Variants in MB21D2 observed in about 807,000 individuals in gnomAD.
MB21D2 encodes the protein nucleotidyltransferase MB21D2.
MB21D2 carries 9 observed loss-of-function variants against 33.3 expected under a neutral mutation model. The observed-to-expected ratio is 0.27, with a 90% confidence interval of 0.16 to 0.47. The LOEUF (loss-of-function observed/expected upper bound fraction) is 0.47, where lower values mean the gene tolerates loss of function less well. MB21D2 is among the 20% of genes least tolerant of loss of function. MB21D2 has a pLI of 0.99. For missense variants in MB21D2, 540 were observed against 624.6 expected (o/e 0.86, Z 1.44); for synonymous variants, 241 against 236.3 (o/e 1.02, Z -0.18).
At chr3:192,860,932 T>C (rs184553191) in intron 1 of MB21D2, among the ~76,000 whole-genome samples, 1 of 152,326 alleles carries the variant, frequency 6.6e-6, no homozygotes, top group African/African-American at 2.4e-5. Flanking sequence ...AAGCTGATGA[T>C]TTCTGAAGTG....
At chr3:192,880,241 G>A (rs967446089) in intron 1 of MB21D2, among the ~76,000 whole-genome samples, 7 of 151,984 alleles carry the variant, frequency 4.6e-5, no homozygotes, top group African/African-American at 1.2e-4. Context: ...CAGCTACTCC[G>A]GAGGCTGAGG....
chr3:192,809,085 G>A (rs1440539044), intron 1 of MB21D2, among the ~76,000 whole-genome samples: 1 of 152,150 alleles, frequency 6.6e-6, no homozygotes, highest in African/African-American at 2.4e-5. Context: ...CTTTCAAGTG[G>A]GCAATAGTGT....
chr3:192,893,287 T>C (rs1713894430), intron 1 of MB21D2, among the ~76,000 whole-genome samples: 1 of 152,200 alleles, frequency 6.6e-6, no homozygotes, highest in Admixed American at 6.5e-5. Flanking sequence ...GTTCCAAACA[T>C]TTCCTTGAAA....
intron 1 of MB21D2, among the ~76,000 whole-genome samples, chr3:192,880,636 T>C (rs1354623682): frequency 6.6e-6 from 1 of 151,986 alleles, no homozygotes; most frequent in African/African-American, 2.4e-5. Context: ...GGACGGACTC[T>C]CAAGGAGCTG....
At chr3:192,801,379 G>T (rs182156040) in intron 1 of MB21D2, among the ~76,000 whole-genome samples, 1 of 152,232 alleles carries the variant, frequency 6.6e-6, no homozygotes, top group African/African-American at 2.4e-5. Context: ...TTCATAGTTT[G>T]CTCTTCATAG....
rs1309659014 is a variant in MB21D2, at chr3:192,822,387, AG to A, written c.212-22738del. 3.3e-5 allele frequency among the ~76,000 whole-genome samples: 5 copies of A among 152,364 alleles called. No individual in the cohort carries two copies. In the East Asian group the frequency reaches 9.6e-4, roughly 29 times the overall value. ...GTTCACCTCAGATACCAGTCTCAACAGGCATGGAGGCAGAGACTTCATTAAT... is the reference window on the plus strand; with the variant it reads ...GTTCACCTCAGATACCAGTCTCAACAGCATGGAGGCAGAGACTTCATTAAT... On this transcript the variant is annotated intron_variant, in intron 1 of 1. Transcript: ENST00000392452.
chr3:192,830,241 A>AGTGTGTGTGTGTGTGT (rs34472117), intron 1 of MB21D2, among the ~76,000 whole-genome samples: 2 of 146,366 alleles, frequency 1.4e-5, no homozygotes, highest in Non-Finnish European at 3.1e-5. Flanking sequence ...AGTGTGTGTG[A>AGTGTGTGTGTGTGTGT]GTGTGTGTGT....
rs187203755 is a variant in MB21D2 at position 192,854,997 on chromosome 3, T to G, written c.212-55347A>C. Among the ~76,000 whole-genome samples, 39 of 152,340 alleles carry G rather than the reference T, an allele frequency of 2.6e-4. No individual in the cohort carries two copies. The East Asian group carries it at 7.1e-3, about 28-fold the overall frequency. On this transcript the variant is annotated intron_variant, in intron 1 of 1. Transcript: ENST00000392452. Reference sequence around the variant, plus strand: ...GAGATGTACAATAAAACTAATGTTGTTTTCAGTCTGCTGATACAATATCTA... The same window carrying G: ...GAGATGTACAATAAAACTAATGTTGGTTTCAGTCTGCTGATACAATATCTA...
rs57320648 is a variant in MB21D2, at chr3:192,870,699, GAAA to G, written c.211+46928_211+46930del. ...GCACTCCAGCCTGGGCGACTCCGTT[GAAA>G]AAAAAAAAAAAAAAAAAGGAAGGAG... On this transcript the variant is annotated intron_variant, in intron 1 of 1. Transcript: ENST00000392452. Among the ~76,000 whole-genome samples the G allele has an allele frequency of 3.8e-4, 16 of 41,666 alleles. No homozygotes were observed. In the East Asian group the frequency reaches 3.9e-3, roughly 10 times the overall value. 27.3% of individuals were successfully genotyped at this position (41,666 alleles called of 152,430 possible). A position where few individuals can be genotyped will look rare whatever the true frequency, so the allele number is the denominator to read the frequency against.
rs1241841839 is a variant in MB21D2, at chr3:192,882,681, G to A, written c.211+34949C>T. The stretch of plus-strand genomic sequence containing the variant: ...ATGTATATAATTTCTCTGCCTGGTA[G>A]AACTAAGATCCCCAGATGTGATTGG... On this transcript the variant is annotated intron_variant, in intron 1 of 1. Coordinates refer to ENST00000392452, the MANE Select transcript of MB21D2 (RefSeq NM_178496.4). Among the ~76,000 whole-genome samples the A allele has an allele frequency of 2.0e-5, 3 of 151,506 alleles. No homozygotes were observed. In the East Asian group the frequency reaches 5.8e-4, roughly 29 times the overall value.
intron 1 of MB21D2, among the ~76,000 whole-genome samples, chr3:192,808,197 C>A (rs554271124): frequency 2.0e-5 from 3 of 152,300 alleles, no homozygotes; most frequent in Admixed American, 6.5e-5. Flanking sequence ...AAAGAAAGCA[C>A]GATTCTACCA....
At chr3:192,806,574 T>C (rs1711665181) in intron 1 of MB21D2, among the ~76,000 whole-genome samples, 1 of 152,200 alleles carries the variant, frequency 6.6e-6, no homozygotes. Context: ...ATAACCTCCT[T>C]GTGGTCAACA....
intron 1 of MB21D2, among the ~76,000 whole-genome samples, chr3:192,895,421 T>A (rs986916925): frequency 1.3e-5 from 2 of 152,170 alleles, no homozygotes; most frequent in African/African-American, 4.8e-5. Flanking sequence ...TCAGCTTTAT[T>A]TCAATCTGTT....
At chr3:192,852,204 TCAGAGACA>T (rs1224932844) in intron 1 of MB21D2, among the ~76,000 whole-genome samples, 1 of 152,144 alleles carries the variant, frequency 6.6e-6, no homozygotes, top group African/African-American at 2.4e-5. Flanking sequence ...GGATTCACAC[TCAGAGACA>T]CCACTCAGCA....
At chr3:192,838,719 C>T (rs763681346) in intron 1 of MB21D2, among the ~76,000 whole-genome samples, 10 of 152,280 alleles carry the variant, frequency 6.6e-5, no homozygotes, top group Admixed American at 1.3e-4. Flanking sequence ...TGAGCCACCA[C>T]GCCTGGCCTT....
chr3:192,847,217 T>C (rs1279553740), intron 1 of MB21D2, among the ~76,000 whole-genome samples: 2 of 152,208 alleles, frequency 1.3e-5, no homozygotes, highest in Admixed American at 6.5e-5. Flanking sequence ...ACTTTGCTGA[T>C]TAAATGTTGA....
chr3:192,852,571 C>T (rs769490163), intron 1 of MB21D2, among the ~76,000 whole-genome samples: 5 of 152,276 alleles, frequency 3.3e-5, no homozygotes, highest in Middle Eastern at 3.4e-3. Flanking sequence ...AGTCTCTTTA[C>T]TTCATAGTGA....
intron 1 of MB21D2, among the ~76,000 whole-genome samples, chr3:192,809,018 T>G (rs1440984828): frequency 6.6e-6 from 1 of 152,252 alleles, no homozygotes; most frequent in Non-Finnish European, 1.5e-5. Context: ...GCCACTACCA[T>G]GCACTACGGC....
intron 1 of MB21D2, among the ~76,000 whole-genome samples, chr3:192,881,459 T>C (rs1713564066): frequency 1.3e-5 from 2 of 152,098 alleles, no homozygotes; most frequent in Non-Finnish European, 2.9e-5. Flanking sequence ...CCCTCCCCAT[T>C]ATTTTTGGTA....
Sources: gnomAD v4.1 joint callset for allele counts (sites outside exome capture counted in the v4.1 genomes callset) on GRCh38, gnomAD v4.1.1 for gene constraint, MANE v1.5 for transcripts, NCBI Gene and HGNC (gene_info 2026-07-23, HGNC 2026-07-21) for gene names.